Variants in DGKD observed in about 807,000 individuals in gnomAD.
The protein encoded by DGKD is diacylglycerol kinase delta.
DGKD carries 68 observed loss-of-function variants against 154.4 expected under a neutral mutation model. The observed-to-expected ratio is 0.44, with a 90% CI of 0.36 to 0.54. The LOEUF (loss-of-function observed/expected upper bound fraction) is 0.54. DGKD is among the 20% of genes least tolerant of loss of function. The probability of loss-of-function intolerance (pLI) is 0.00; values close to 1 mark genes in which losing one functional copy is unlikely to be tolerated. For synonymous variants in DGKD, 693 were observed against 638.0 expected (o/e 1.09, Z -1.30); for missense variants, 1,343 against 1,593.6 (o/e 0.84, Z 2.68).
rs1200782839 is a variant in DGKD, at chr2:233,459,014, C to T, written c.2694+617C>T. Among the ~76,000 whole-genome samples the T allele has an allele frequency of 5.3e-5, 8 of 152,220 alleles. No individual in the cohort carries two copies. The highest frequency in any genetic ancestry group is 1.3e-4 in the Admixed American group (2 of 15,282). ...TGCCCGTGTCTGCAGCTGTCAAAGC[C>T]GCAGTGGGGACGGAGCCCATGGCTC... On this transcript the variant is annotated intron_variant, in intron 22 of 29. Transcript: ENST00000264057. The surrounding 1 kb of genome is among the most constrained non-coding windows in gnomAD (Gnocchi z 5.7).
At chr2:233,435,049 C>G in intron 5 of DGKD, 148 bp downstream of exon 5, 1 of 1,156,128 alleles carries the variant, frequency 8.6e-7, no homozygotes, top group Non-Finnish European at 1.2e-6. Flanking sequence ...TGATGCCATT[C>G]TTGTTTATTT....
At chr2:233,467,761 G>C (rs917637770) in intron 28 of DGKD, among the ~76,000 whole-genome samples, 3 of 152,198 alleles carry the variant, frequency 2.0e-5, no homozygotes, top group African/African-American at 7.2e-5. Flanking sequence ...GCTGTCAGGG[G>C]CTGGAGAGGC....
intron 1 of DGKD, among the ~76,000 whole-genome samples, chr2:233,382,188 T>G (rs1322471715): frequency 6.6e-6 from 1 of 152,104 alleles, no homozygotes; most frequent in African/African-American, 2.4e-5. Context: ...GAGCCAAGAT[T>G]GTGGCACTGC....
chr2:233,468,387 GCA>G, intron 28 of DGKD, 34 bp from the exon 29 acceptor site: 1 of 1,608,914 alleles, frequency 6.2e-7, no homozygotes, highest in Non-Finnish European at 8.5e-7. Flanking sequence ...TGGGCTCTGG[GCA>G]CTCACTGCAC....
In DGKD at chr2:233,445,748, C is replaced by G. The variant is rs759158509; in HGVS notation, c.1320C>G (p.Thr440=). The G allele has an allele frequency of 3.1e-6, 5 of 1,612,356 alleles. No homozygotes were observed. The African/African-American group carries it at 5.3e-5, about 17-fold the overall frequency. The change falls in exon 11 of 30, where the codon ACC becomes ACG. Residue 440 remains threonine (T), a synonymous_variant. Coordinates refer to ENST00000264057, the MANE Select transcript of DGKD (RefSeq NM_152879.3). This position sits in a 1 kb window ranked among gnomAD's most constrained non-coding sequence, Gnocchi z 5.5. ...TGGAGAAGTTGGAGAGAGCCAGCAC[C>G]AAGATGCTGGACAGGTGAGTGGGGA... The part of the protein sequence containing the change: ...QILEKLERAS[T]KMLDRWSVMA...
At chr2:233,363,388 GA>G (rs1701875859) in intron 1 of DGKD, among the ~76,000 whole-genome samples, 1 of 152,008 alleles carries the variant, frequency 6.6e-6, no homozygotes, top group East Asian at 1.9e-4. Flanking sequence ...AGGATATAAA[GA>G]AAATACTTTT....
intron 3 of DGKD, among the ~76,000 whole-genome samples, chr2:233,395,624 G>A (rs1390244510): frequency 4.3e-5 from 4 of 92,584 alleles, no homozygotes; most frequent in African/African-American, 8.7e-5. Flanking sequence ...TCCCCTCCCC[G>A]CTTCTCTCTT....
chr2:233,402,572 C>T (rs1207055854), intron 3 of DGKD, among the ~76,000 whole-genome samples: 2 of 152,176 alleles, frequency 1.3e-5, no homozygotes, highest in Non-Finnish European at 2.9e-5. Flanking sequence ...TTGGCAAGCC[C>T]CGCTGAAGAG....
chr2:233,363,308 G>GT (rs1404254237), intron 1 of DGKD, among the ~76,000 whole-genome samples: 1 of 151,794 alleles, frequency 6.6e-6, no homozygotes, highest in Non-Finnish European at 1.5e-5. Flanking sequence ...TTGTTTCTTA[G>GT]TTTTTAACAA....
intron 9 of DGKD, among the ~76,000 whole-genome samples, chr2:233,439,257 G>A (rs1294355307): frequency 6.6e-6 from 1 of 152,200 alleles, no homozygotes; most frequent in Non-Finnish European, 1.5e-5. Context: ...TTCTCTGGGA[G>A]GAGTCAGTGG....
At chr2:233,455,433 G>T (rs1559172325) in intron 19 of DGKD, among the ~76,000 whole-genome samples, 1 of 152,200 alleles carries the variant, frequency 6.6e-6, no homozygotes, top group Non-Finnish European at 1.5e-5. Context: ...AATGAGAAGG[G>T]TCCCTCTTCT....
At chr2:233,468,622 C>G (rs1323325335) in intron 29 of DGKD, 69 bp downstream of exon 29, 1 of 1,594,298 alleles carries the variant, frequency 6.3e-7, no homozygotes, top group Non-Finnish European at 8.5e-7. Flanking sequence ...CTTCCATCCT[C>G]TCCCCCGACC....
intron 3 of DGKD, among the ~76,000 whole-genome samples, chr2:233,418,135 T>C (rs2062006634): frequency 1.3e-5 from 2 of 152,276 alleles, no homozygotes; most frequent in South Asian, 2.1e-4. Flanking sequence ...TCTGTGTCCA[T>C]GACTATGGGC....
At position 233,459,392 on chromosome 2, in the gene DGKD, T is replaced by C. The variant is rs1054628992; in HGVS notation, c.2695-365T>C. Among the ~76,000 whole-genome samples, 4 of 152,220 alleles carry C rather than the reference T, an allele frequency of 2.6e-5. No homozygotes were observed. Among genetic ancestry groups the C allele is most frequent in the African/African-American group, 4.8e-5 (2 of 41,458 alleles). On this transcript the variant is annotated intron_variant, in intron 22 of 29. Coordinates refer to ENST00000264057, the MANE Select transcript of DGKD (RefSeq NM_152879.3). The surrounding 1 kb of genome is among the most constrained non-coding windows in gnomAD (Gnocchi z 5.7). ...TGATGGATGGCTCATCGTCATCCAC[T>C]GTGCCATCTGCTCTTTTCTAGGGGT...
chr2:233,429,220 G>A (rs1370362988), intron 3 of DGKD: 1 of 985,230 alleles, frequency 1.0e-6, no homozygotes, highest in African/African-American at 1.7e-5. Flanking sequence ...AGTAGACTCA[G>A]GACCTAAAAC....
At position 233,467,220 on chromosome 2, in the gene DGKD, C is replaced by T. The variant is rs74921306; in HGVS notation, c.3424+17C>T. 1,773 of 1,573,966 alleles carry T rather than the reference C, an allele frequency of 1.1e-3. 18 individuals are homozygous for T. The African/African-American group carries it at 0.021, about 18-fold the overall frequency. On this transcript the variant is annotated intron_variant, in intron 28 of 29. Coordinates refer to ENST00000264057, the MANE Select transcript of DGKD (RefSeq NM_152879.3). The stretch of plus-strand genomic sequence containing the variant: ...GAGCCCCGGGTACCTGCCTCTCTCC[C>T]GCGTGTGTTTCTGGCCGTCCACGCC...
intron 3 of DGKD, among the ~76,000 whole-genome samples, chr2:233,424,915 C>T (rs1223215790): frequency 2.6e-5 from 4 of 152,204 alleles, no homozygotes; most frequent in African/African-American, 7.2e-5. Flanking sequence ...TGAGAAATCA[C>T]GTCTGCATGT....
chr2:233,450,836 C>G (rs1164821922), intron 16 of DGKD, 86 bp from the exon 17 acceptor site: 1 of 1,527,304 alleles, frequency 6.5e-7, no homozygotes, highest in African/African-American at 1.4e-5. Context: ...CTCAGCCCTC[C>G]CACCTGCTCG....
chr2:233,367,473 C>T (rs1411527752), intron 1 of DGKD, among the ~76,000 whole-genome samples: 1 of 152,132 alleles, frequency 6.6e-6, no homozygotes, highest in African/African-American at 2.4e-5. Flanking sequence ...AAGTGATCCG[C>T]CCACCTCGGC....
Sources: gnomAD v4.1 joint callset for allele counts (sites outside exome capture counted in the v4.1 genomes callset) on GRCh38, gnomAD v4.1.1 for gene constraint, Gnocchi (gnomAD v3.1) non-coding constraint, MANE v1.5 for transcripts, NCBI Gene and HGNC (gene_info 2026-07-23, HGNC 2026-07-21) for gene names.